GDPD1: variants seen among roughly 807,000 people sequenced by gnomAD.
GDPD1 encodes the protein glycerophosphodiester phosphodiesterase domain containing 1, also known as lysophospholipase D GDPD1.
Under a neutral mutation model 45.1 loss-of-function variants are expected in GDPD1, and 28 were observed. The observed-to-expected ratio is 0.62, with a 90% CI of 0.46 to 0.85. The LOEUF (loss-of-function observed/expected upper bound fraction) is 0.85, where lower values mean the gene tolerates loss of function less well. Among genes scored for constraint, GDPD1 ranks in the 40% least tolerant of loss-of-function variants. GDPD1 has a pLI of 0.00. For missense variants in GDPD1, 256 were observed against 364.8 expected, an observed-to-expected ratio of 0.70 and a Z score of 2.43; for synonymous variants, 139 against 131.4, an observed-to-expected ratio of 1.06 and a Z score of -0.40.
chr17:59,267,922 C>T (rs143942586), intron 7 of GDPD1, among the ~76,000 whole-genome samples: 50 of 152,174 alleles, frequency 3.3e-4, no homozygotes, highest in African/African-American at 1.1e-3. Flanking sequence ...CACCCACCTC[C>T]TCCCAAAGTG....
intron 1 of GDPD1, among the ~76,000 whole-genome samples, chr17:59,222,539 A>G (rs1293548787): frequency 8.5e-5 from 4 of 47,184 alleles, no homozygotes; most frequent in African/African-American, 2.1e-4. Context: ...TTTGAGACAG[A>G]GTTTCCCTCT....
intron 1 of GDPD1, among the ~76,000 whole-genome samples, chr17:59,228,469 T>C (rs151183548): frequency 7.6e-4 from 115 of 152,306 alleles, no homozygotes; most frequent in Non-Finnish European, 1.0e-3. Context: ...AGTAGAGCTA[T>C]GCATAAGAGA....
At chr17:59,221,476 TAAAC>T (rs1454977235) in intron 1 of GDPD1, among the ~76,000 whole-genome samples, 1 of 118,472 alleles carries the variant, frequency 8.4e-6, no homozygotes, top group South Asian at 2.4e-4. Flanking sequence ...AATAAATAAA[TAAAC>T]ACGCAAAGAC....
At chr17:59,231,865 C>A (rs111638832) in intron 1 of GDPD1, among the ~76,000 whole-genome samples, 1 of 151,826 alleles carries the variant, frequency 6.6e-6, no homozygotes, top group South Asian at 2.1e-4. Context: ...TGGGCTCAAG[C>A]GATCTTTCTA....
At chr17:59,239,392 T>C (rs2047158243) in intron 2 of GDPD1, among the ~76,000 whole-genome samples, 1 of 152,114 alleles carries the variant, frequency 6.6e-6, no homozygotes, top group Non-Finnish European at 1.5e-5. Flanking sequence ...CCAACTTCTT[T>C]TTTGTATTTT....
At chr17:59,270,386 G>T (rs1227792156) in intron 7 of GDPD1, among the ~76,000 whole-genome samples, 1 of 151,530 alleles carries the variant, frequency 6.6e-6, no homozygotes, top group Non-Finnish European at 1.5e-5. Flanking sequence ...TAGAGACGGG[G>T]GGGGGTTTCA....
Position 59,273,890 on chromosome 17 carries a change from C to A in GDPD1, c.*117C>A. 9.8e-6 allele frequency: 12 copies of A among 1,222,498 alleles called. No individual in the cohort carries two copies. Among genetic ancestry groups the A allele is most frequent in the Non-Finnish European group, 1.2e-5 (12 of 968,954 alleles). The allele number at this position is 1,222,498 out of a possible 1,614,324, so 75.7% of individuals were successfully genotyped here. ...TAAAAGGTTTAATCAGTTTTTATTA[C>A]CTCATTTTTAAGCCTGTATGAGAAT... is the stretch of plus-strand genomic sequence containing the variant. On this transcript the variant is annotated 3_prime_UTR_variant, in exon 10 of 10. Coordinates refer to ENST00000284116, the MANE Select transcript of GDPD1 (RefSeq NM_182569.4).
At chr17:59,244,398 A>G (rs913392259) in intron 2 of GDPD1, among the ~76,000 whole-genome samples, 1 of 152,136 alleles carries the variant, frequency 6.6e-6, no homozygotes. Flanking sequence ...AGGTTTCACC[A>G]TGTTGGCCAG....
intron 2 of GDPD1, among the ~76,000 whole-genome samples, chr17:59,238,074 G>C (rs1178292112): frequency 6.6e-6 from 1 of 150,484 alleles, no homozygotes; most frequent in Non-Finnish European, 1.5e-5. Flanking sequence ...TTTGAGACCA[G>C]ACTGACCAAC....
At chr17:59,233,184 T>G (rs574613343) in intron 1 of GDPD1, among the ~76,000 whole-genome samples, 1 of 149,012 alleles carries the variant, frequency 6.7e-6, no homozygotes, top group South Asian at 2.1e-4. Context: ...CCACTGCACT[T>G]CAGCCTGAGC....
At chr17:59,227,327 G>C (rs2147873618) in intron 1 of GDPD1, among the ~76,000 whole-genome samples, 1 of 151,980 alleles carries the variant, frequency 6.6e-6, no homozygotes, top group Admixed American at 6.6e-5. Context: ...GCTGAGGCAG[G>C]AGAATCACTT....
At chr17:59,271,737 G>A (rs1264307344) in intron 8 of GDPD1, among the ~76,000 whole-genome samples, 1 of 151,610 alleles carries the variant, frequency 6.6e-6, no homozygotes, top group Non-Finnish European at 1.5e-5. Flanking sequence ...GGGTTCAAGT[G>A]ATTCTTCTGC....
At chr17:59,251,129 C>T (rs1220801704) in intron 4 of GDPD1, among the ~76,000 whole-genome samples, 1 of 152,154 alleles carries the variant, frequency 6.6e-6, no homozygotes, top group Non-Finnish European at 1.5e-5. Flanking sequence ...AATAACAATG[C>T]TAGAACTTGA....
intron 7 of GDPD1, among the ~76,000 whole-genome samples, chr17:59,270,528 G>A (rs1000053340): frequency 5.3e-5 from 8 of 151,932 alleles, no homozygotes; most frequent in African/African-American, 1.2e-4. Context: ...AGGAAAACAC[G>A]TGGTAAACTG....
At position 59,270,929 on chromosome 17, in the gene GDPD1, A is replaced by G; in HGVS notation, c.711-7A>G. The G allele has an allele frequency of 6.3e-7, 1 of 1,576,726 alleles. No individual in the cohort carries two copies. The highest frequency in any genetic ancestry group is 8.7e-7 in the Non-Finnish European group (1 of 1,153,538). On this transcript the variant is annotated splice_polypyrimidine_tract_variant and splice_region_variant and intron_variant, in intron 7 of 9. Coordinates refer to ENST00000284116, the MANE Select transcript of GDPD1 (RefSeq NM_182569.4). The stretch of plus-strand genomic sequence containing the variant: ...TAATTTGTAATTCAAACTTTATTTT[A>G]CCCTAGGCTAAAAGAACCACACACC...
intron 4 of GDPD1, among the ~76,000 whole-genome samples, chr17:59,256,544 T>C (rs1392548984): frequency 1.3e-5 from 2 of 152,182 alleles, no homozygotes; most frequent in African/African-American, 2.4e-5. Context: ...AGCAAAACTT[T>C]AGAAACAATC....
chr17:59,227,434 T>A (rs2147873693), intron 1 of GDPD1, among the ~76,000 whole-genome samples: 1 of 152,024 alleles, frequency 6.6e-6, no homozygotes, highest in East Asian at 1.9e-4. Flanking sequence ...AAAAAAAATT[T>A]AAAACTTTTG....
At position 59,240,284 on chromosome 17, in the gene GDPD1, C is replaced by G. The variant is rs150123919; in HGVS notation, c.186-5130C>G. ...CCAGCCTGGGTGACAGAGTGAGACT[C>G]TGTCTCAAAAAAAAAAATAAGAAGT... On this transcript the variant is annotated intron_variant, in intron 2 of 9. Transcript: ENST00000284116. Among the ~76,000 whole-genome samples, 1,011 of 149,546 alleles carry G rather than the reference C, an allele frequency of 6.8e-3. 15 individuals carry two copies. Among genetic ancestry groups the G allele is most frequent in the African/African-American group, 0.023 (942 of 40,572 alleles).
At position 59,255,850 on chromosome 17, in the gene GDPD1, T is replaced by TAC. The variant is rs1555724257; in HGVS notation, c.368-1267_368-1266dup. On this transcript the variant is annotated intron_variant, in intron 4 of 9. Coordinates refer to ENST00000284116, the MANE Select transcript of GDPD1 (RefSeq NM_182569.4). ...ATACGCGTATATATATATATATATA[T>TAC]ACACACGTATATATATATATATATA... is the stretch of plus-strand genomic sequence containing the variant. 2.0e-3 allele frequency among the ~76,000 whole-genome samples: 146 copies of TAC among 74,308 alleles called. 2 individuals are homozygous for TAC. The highest frequency in any genetic ancestry group is 3.0e-3 in the Admixed American group (19 of 6,294). 48.7% of individuals were successfully genotyped at this position (74,308 alleles called of 152,430 possible).
Sources: allele counts gnomAD v4.1 joint callset (sites outside exome capture counted in the v4.1 genomes callset), GRCh38; gene constraint gnomAD v4.1.1; transcripts MANE v1.5; gene names NCBI Gene and HGNC (gene_info 2026-07-23, HGNC 2026-07-21).